Variants in SPATS2 observed in about 807,000 individuals in gnomAD.
SPATS2 encodes the protein spermatogenesis associated serine rich 2, also known as spermatogenesis-associated serine-rich protein 2.
Under a neutral mutation model 63.7 loss-of-function variants are expected in SPATS2, and 38 were observed. That is an observed-to-expected ratio of 0.60 (90% CI 0.46 to 0.78). The LOEUF is 0.78. Ranked by LOEUF, SPATS2 falls within the 30% of genes least tolerant of loss-of-function variation. The pLI is 0.00. For synonymous variants in SPATS2, 207 were observed against 232.9 expected (o/e 0.89, Z 1.01); for missense variants, 588 against 666.2 (o/e 0.88, Z 1.29).
At chr12:49,367,320 C>T (rs952171860), upstream of SPATS2, 1 of 379,798 alleles carries the variant, frequency 2.6e-6, no homozygotes, top group Non-Finnish European at 4.7e-6. Flanking sequence ...CGGGGCGGGG[C>T]GAGCCGCTGC....
intron 10 of SPATS2, 111 bp from the exon 11 acceptor site, chr12:49,518,954 GGGTGGATA>G (rs1946893368): frequency 1.7e-6 from 1 of 600,184 alleles, no homozygotes. Context: ...TTCATTTTCT[GGGTGGATA>G]GGCAGCTAAG....
chr12:49,496,890 C>T lies in SPATS2; in HGVS notation c.584C>T (p.Ser195Phe). Residue 195 changes from serine (S) to phenylalanine (F), a missense_variant, in exon 8 of 14, where the codon TCT (serine) becomes TTT (phenylalanine). By Grantham distance (155) the Ser-to-Phe change is radical. Coordinates refer to ENST00000552918, the MANE Select transcript of SPATS2 (RefSeq NM_023071.4). Reference sequence around the variant, plus strand: ...GAGACCAAGTCTTTGACTATGCACTCTATTCACAATTCTCAACAACCCAGG... The same window carrying T: ...GAGACCAAGTCTTTGACTATGCACTTTATTCACAATTCTCAACAACCCAGG... ...DFETKSLTMH[S>F]IHNSQQPRNA... The T allele has an allele frequency of 6.2e-7, 1 of 1,614,078 alleles. No homozygotes were observed. The highest frequency in any genetic ancestry group is 1.1e-5 in the South Asian group (1 of 91,064).
At chr12:49,373,653 A>G (rs976391244) in intron 2 of SPATS2, among the ~76,000 whole-genome samples, 6 of 151,944 alleles carry the variant, frequency 3.9e-5, no homozygotes, top group East Asian at 1.9e-4. Context: ...AGAGCTGGGC[A>G]TGGTGGCTCA....
At chr12:49,409,304 G>GT (rs1252802683) in intron 2 of SPATS2, among the ~76,000 whole-genome samples, 2 of 151,914 alleles carry the variant, frequency 1.3e-5, no homozygotes, top group Admixed American at 6.6e-5. Flanking sequence ...TTTTGTTGTT[G>GT]TTTTTTGTTT....
intron 3 of SPATS2, among the ~76,000 whole-genome samples, chr12:49,472,907 C>T (rs890424662): frequency 2.0e-5 from 3 of 151,178 alleles, no homozygotes; most frequent in African/African-American, 7.3e-5. Context: ...GACGTGGTGG[C>T]GCATGCCTGT....
intron 2 of SPATS2, among the ~76,000 whole-genome samples, chr12:49,403,969 C>A (rs1944652106): frequency 6.6e-6 from 1 of 152,174 alleles, no homozygotes; most frequent in Non-Finnish European, 1.5e-5. Context: ...GTTCCAGAAA[C>A]AGCTGTTGCT....
intron 2 of SPATS2, among the ~76,000 whole-genome samples, chr12:49,437,602 G>T (rs1306844336): frequency 6.6e-6 from 1 of 152,190 alleles, no homozygotes; most frequent in African/African-American, 2.4e-5. Context: ...CAAGGCTGGC[G>T]GATCACTCGC....
Position 49,460,815 on chromosome 12 carries a change from T to A in SPATS2, c.-198T>A. On this transcript the variant is annotated 5_prime_UTR_variant, in exon 3 of 14. An upstream open reading frame in the 5' UTR loses its in-frame stop. Transcript: ENST00000552918. ...CATGAATGTCTGCAATGATACTTCC[T>A]GACAAGAAGTTGATACAAGAAAAGG... is the stretch of plus-strand genomic sequence containing the variant. 1 of 613,880 alleles carries A rather than the reference T, an allele frequency of 1.6e-6. No homozygotes were observed. The highest frequency in any genetic ancestry group is 2.0e-5 in the South Asian group (1 of 50,538). 38.0% of individuals were successfully genotyped at this position (613,880 alleles called of 1,614,324 possible).
chr12:49,378,932 T>A (rs1337309043), intron 2 of SPATS2, among the ~76,000 whole-genome samples: 1 of 151,332 alleles, frequency 6.6e-6, no homozygotes, highest in African/African-American at 2.4e-5. Context: ...TTTATTTTAT[T>A]TTTGAGATGG....
At chr12:49,372,493 T>C (rs1310011357) in intron 2 of SPATS2, among the ~76,000 whole-genome samples, 1 of 152,230 alleles carries the variant, frequency 6.6e-6, no homozygotes, top group Non-Finnish European at 1.5e-5. Flanking sequence ...CCAGTTTTCA[T>C]GTATCCAATG....
At chr12:49,385,931 C>G (rs1350696733) in intron 2 of SPATS2, among the ~76,000 whole-genome samples, 1 of 149,272 alleles carries the variant, frequency 6.7e-6, no homozygotes, top group Non-Finnish European at 1.5e-5. Context: ...TGCAGTGGTG[C>G]GATCTTACTG....
At chr12:49,420,154 C>T (rs1223099861) in intron 2 of SPATS2, among the ~76,000 whole-genome samples, 1 of 152,190 alleles carries the variant, frequency 6.6e-6, no homozygotes, top group Admixed American at 6.5e-5. Context: ...CTTCCTTAAA[C>T]ACGTAGATGG....
At chr12:49,432,369 C>T (rs1164230919) in intron 2 of SPATS2, among the ~76,000 whole-genome samples, 2 of 152,070 alleles carry the variant, frequency 1.3e-5, no homozygotes, top group South Asian at 2.1e-4. Context: ...CTACTGGGGA[C>T]GCTGAGGCAG....
chr12:49,490,674 T>C lies in SPATS2; in HGVS notation c.215-8T>C, dbSNP rs1206474895. 2.5e-6 allele frequency: 4 copies of C among 1,613,676 alleles called. No individual in the cohort carries two copies. In the South Asian group the frequency reaches 3.3e-5, roughly 13 times the overall value. ...GGAGACAAAATCTGTAATTGGTTTC[T>C]CTTACAGGTAGTGCCAGTGAAGTAC... On this transcript the variant is annotated splice_polypyrimidine_tract_variant and splice_region_variant and intron_variant, in intron 5 of 13. Transcript: ENST00000552918.
intron 2 of SPATS2, among the ~76,000 whole-genome samples, chr12:49,402,403 G>C (rs1365756940): frequency 6.6e-6 from 1 of 152,172 alleles, no homozygotes; most frequent in Admixed American, 6.5e-5. Context: ...GATTTTTAGA[G>C]TTAGGGTGCT....
At chr12:49,379,923 T>G (rs7970059) in intron 2 of SPATS2, among the ~76,000 whole-genome samples, 51,997 of 151,858 alleles carry the variant, frequency 0.34, 12,627 homozygotes, top group African/African-American at 0.69. Context: ...GTGCCTGGCC[T>G]ATTTCAGAAC....
chr12:49,470,169 T>C (rs1946009759), intron 3 of SPATS2, among the ~76,000 whole-genome samples: 1 of 151,940 alleles, frequency 6.6e-6, no homozygotes, highest in South Asian at 2.1e-4. Flanking sequence ...GTAGCTGGGA[T>C]TACAGACGTC....
intron 3 of SPATS2, among the ~76,000 whole-genome samples, chr12:49,467,894 C>T (rs995749612): frequency 4.0e-5 from 6 of 151,610 alleles, no homozygotes; most frequent in East Asian, 2.0e-4. Context: ...CCACCACGCC[C>T]GGCTAATTTT....
chr12:49,443,277 G>A (rs1347330071), intron 2 of SPATS2, among the ~76,000 whole-genome samples: 1 of 152,152 alleles, frequency 6.6e-6, no homozygotes, highest in Non-Finnish European at 1.5e-5. Flanking sequence ...TTATGTGGTA[G>A]TGTATATTCT....
Sources: gnomAD v4.1 joint callset for allele counts (sites outside exome capture counted in the v4.1 genomes callset) on GRCh38, gnomAD v4.1.1 for gene constraint, MANE v1.5 for transcripts, NCBI Gene and HGNC (gene_info 2026-07-23, HGNC 2026-07-21) for gene names.